The following FREM1 variants were observed in gnomAD, a reference collection of about 807,000 sequenced individuals.
FREM1 encodes the protein FRAS1-related extracellular matrix protein 1.
In FREM1, 220 loss-of-function variants were observed where a neutral mutation model predicts 210.1. That is an observed-to-expected ratio of 1.05 (90% CI 0.94 to 1.17). The LOEUF is 1.17. Ranked by LOEUF, FREM1 falls within the 50% of genes most tolerant of loss-of-function variation. The probability of loss-of-function intolerance (pLI) is 0.00; values close to 1 mark genes in which losing one functional copy is unlikely to be tolerated. For synonymous variants in FREM1, 1,189 were observed against 980.2 expected, an observed-to-expected ratio of 1.21 and a Z score of -3.98; for missense variants, 3,454 against 2,675.5, an observed-to-expected ratio of 1.29 and a Z score of -6.42.
chr9:14,768,147 C>T (rs1001401365), intron 27 of FREM1, among the ~76,000 whole-genome samples: 4 of 152,014 alleles, frequency 2.6e-5, no homozygotes, highest in Admixed American at 6.6e-5. Flanking sequence ...AGCATCATTA[C>T]TGGGGGAAGA....
At chr9:14,813,978 C>T (rs10961726) in intron 15 of FREM1, among the ~76,000 whole-genome samples, 9,093 of 152,230 alleles carry the variant, frequency 0.06, 366 homozygotes, top group Admixed American at 0.083. Flanking sequence ...CTGGCCTTAT[C>T]CCATGCTATG....
At chr9:14,767,234 A>G (rs1407494784) in intron 27 of FREM1, among the ~76,000 whole-genome samples, 3 of 152,144 alleles carry the variant, frequency 2.0e-5, no homozygotes, top group South Asian at 2.1e-4. Context: ...TAATATAGAG[A>G]TCTATAATGT....
chr9:14,904,375 T>C (rs1202342358), intron 1 of FREM1, among the ~76,000 whole-genome samples: 1 of 152,138 alleles, frequency 6.6e-6, no homozygotes, highest in Non-Finnish European at 1.5e-5. Flanking sequence ...GGTTAACTGT[T>C]ATCACTGAGG....
chr9:14,834,671 C>G (rs1210908920), intron 10 of FREM1, among the ~76,000 whole-genome samples: 1 of 152,100 alleles, frequency 6.6e-6, no homozygotes, highest in African/African-American at 2.4e-5. Flanking sequence ...GCCCCTGAAA[C>G]ATTCAGAAAA....
Position 14,807,332 on chromosome 9 carries a change from G to A in FREM1, c.3089-486C>T, listed in dbSNP as rs148167604. ...ATTGCTCATAACGAAGAGTTTTTTC[G>A]TGGCTTGATGCTTAATTATTCTGCT... is the stretch of plus-strand genomic sequence containing the variant. On this transcript the variant is annotated intron_variant, in intron 17 of 36. Transcript: ENST00000380880. Among the ~76,000 whole-genome samples the A allele has an allele frequency of 1.2e-3, 187 of 152,220 alleles. 2 individuals carry two copies. The East Asian group carries it at 0.029, about 23-fold the overall frequency.
chr9:14,895,655 T>C (rs1172143485), intron 1 of FREM1, among the ~76,000 whole-genome samples: 1 of 151,990 alleles, frequency 6.6e-6, no homozygotes, highest in South Asian at 2.1e-4. Flanking sequence ...TTGTACTCTT[T>C]GTGTAGAAAT....
At position 14,857,547 on chromosome 9, in the gene FREM1, C is replaced by T; in HGVS notation, c.828+6G>A. ...GGGGGCACCCACACATAACCCCAAA[C>T]TCTACCTTGTACACAATTTTGCTCC... is the stretch of plus-strand genomic sequence containing the variant. On this transcript the variant is annotated splice_donor_region_variant and intron_variant, in intron 5 of 36. Coordinates refer to ENST00000380880, the MANE Select transcript of FREM1 (RefSeq NM_001379081.2). 2 of 1,611,374 alleles carry T rather than the reference C, an allele frequency of 1.2e-6. No homozygotes were observed. Among genetic ancestry groups the T allele is most frequent in the Non-Finnish European group, 1.7e-6 (2 of 1,178,422 alleles).
At chr9:14,859,536 G>T in intron 3 of FREM1, 52 bp from the exon 4 acceptor site, 1 of 1,458,604 alleles carries the variant, frequency 6.9e-7, no homozygotes, top group Non-Finnish European at 9.4e-7. Flanking sequence ...AGGTATTTCT[G>T]ATACCCATGT....
chr9:14,787,506 C>A (rs566285025), intron 23 of FREM1, among the ~76,000 whole-genome samples: 1 of 152,154 alleles, frequency 6.6e-6, no homozygotes, highest in Non-Finnish European at 1.5e-5. Flanking sequence ...TATTGCCCAG[C>A]CTCTCTTAAT....
At chr9:14,798,845 TG>T in intron 20 of FREM1, among the ~76,000 whole-genome samples, 1 of 152,034 alleles carries the variant, frequency 6.6e-6, no homozygotes, top group Non-Finnish European at 1.5e-5. Context: ...GGCTAATTTT[TG>T]TATTTTTAAT....
chr9:14,866,636 C>T (rs1831574871), intron 2 of FREM1, among the ~76,000 whole-genome samples: 2 of 152,086 alleles, frequency 1.3e-5, no homozygotes, highest in South Asian at 4.2e-4. Flanking sequence ...TGGGAATTTT[C>T]CTTCTTCTCT....
At chr9:14,902,982 G>C (rs1839048088) in intron 1 of FREM1, among the ~76,000 whole-genome samples, 1 of 152,118 alleles carries the variant, frequency 6.6e-6, no homozygotes, top group Non-Finnish European at 1.5e-5. Flanking sequence ...TAAACTCTTT[G>C]GGTACTATTT....
In FREM1 at chr9:14,886,414, AAG is replaced by A. The variant is rs1249524728; in HGVS notation, c.-267-17172_-267-17171del. 1.9e-4 allele frequency among the ~76,000 whole-genome samples: 29 copies of A among 151,430 alleles called. No homozygotes were observed. The East Asian group carries it at 5.2e-3, about 27-fold the overall frequency. On this transcript the variant is annotated intron_variant, in intron 1 of 36. Transcript: ENST00000380880. ...AAAAAAAAAAAAAAAAAAAAGGAAA[AAG>A]AAATAAAATACGCTAACAGAGAAAT...
chr9:14,887,617 C>G (rs769523374), intron 1 of FREM1, among the ~76,000 whole-genome samples: 21 of 152,078 alleles, frequency 1.4e-4, no homozygotes, highest in Non-Finnish European at 2.5e-4. Context: ...TGAGAAAGAG[C>G]CTGTGACTTC....
chr9:14,801,923 G>T (rs1563962091), intron 19 of FREM1, 49 bp from the exon 20 acceptor site: 3 of 1,365,746 alleles, frequency 2.2e-6, no homozygotes, highest in East Asian at 4.6e-5. Flanking sequence ...AAGACAACTT[G>T]TCTTTCTTTG....
chr9:14,742,846 T>C (rs1164581548), intron 35 of FREM1, among the ~76,000 whole-genome samples: 1 of 152,134 alleles, frequency 6.6e-6, no homozygotes, highest in Non-Finnish European at 1.5e-5. Context: ...TAGACATACT[T>C]GTCAGTACAC....
intron 27 of FREM1, among the ~76,000 whole-genome samples, chr9:14,767,426 C>G (rs948805118): frequency 6.6e-6 from 1 of 152,154 alleles, no homozygotes; most frequent in Non-Finnish European, 1.5e-5. Context: ...TGAGAAAAAT[C>G]ATGCACTCTA....
chr9:14,770,163 G>C (rs1049647615), intron 26 of FREM1, among the ~76,000 whole-genome samples: 4 of 152,064 alleles, frequency 2.6e-5, no homozygotes, highest in African/African-American at 9.7e-5. Context: ...CCTGTTTAAT[G>C]ATGTATTATG....
At chr9:14,817,480 T>C (rs1424061531) in intron 14 of FREM1, among the ~76,000 whole-genome samples, 1 of 152,200 alleles carries the variant, frequency 6.6e-6, no homozygotes, top group Non-Finnish European at 1.5e-5. Flanking sequence ...CTTAGCCCTA[T>C]CTTCCACTAA....
Sources: allele counts gnomAD v4.1 joint callset (sites outside exome capture counted in the v4.1 genomes callset), GRCh38; gene constraint gnomAD v4.1.1; transcripts MANE v1.5; gene names NCBI Gene and HGNC (gene_info 2026-07-23, HGNC 2026-07-21).